Variants in BRD8 observed in about 807,000 individuals in gnomAD.
BRD8 encodes bromodomain containing 8.
In BRD8, 67 loss-of-function variants were observed where a neutral mutation model predicts 143.1. The ratio of observed to expected loss-of-function variants is 0.47; its 90% CI spans 0.38 to 0.57. The LOEUF is 0.57. Among genes scored for constraint, BRD8 ranks in the 20% least tolerant of loss-of-function variants. The pLI is 0.00. For synonymous variants in BRD8, 505 were observed against 517.1 expected (o/e 0.98, Z 0.32); for missense variants, 1,103 against 1,503.0 (o/e 0.73, Z 4.40).
chr5:138,153,327 G>GT (rs5871666), intron 20 of BRD8, among the ~76,000 whole-genome samples: 3,098 of 152,060 alleles, frequency 0.02, 95 homozygotes, highest in African/African-American at 0.069. Context: ...CACTATCTTG[G>GT]TTTTTTTATA....
At position 138,145,260 on chromosome 5, in the gene BRD8, AC is replaced by A. The variant is rs1752101766; in HGVS notation, c.3369-16del. On this transcript the variant is annotated splice_polypyrimidine_tract_variant and intron_variant, in intron 24 of 26. Transcript: ENST00000254900. ...GACTGCTGAACCTGTTAAGGGACAA[AC>A]CCAGAGAGGATAAAGAAACCCTGGC... 5 of 1,611,000 alleles carry A rather than the reference AC, an allele frequency of 3.1e-6. No homozygotes were observed. In the East Asian group the frequency reaches 1.1e-4, roughly 36 times the overall value.
chr5:138,162,162 A>T lies in BRD8; in HGVS notation c.2088-16T>A. The T allele has an allele frequency of 6.4e-7, 1 of 1,565,908 alleles. No homozygotes were observed. The highest frequency in any genetic ancestry group is 8.7e-7 in the Non-Finnish European group (1 of 1,152,198). On this transcript the variant is annotated splice_polypyrimidine_tract_variant and intron_variant, in intron 15 of 26. Transcript: ENST00000254900. ...ACAGACAGAGCTGAAACAGAGATAC[A>T]GCAATTCCACTAGGCACAAGTTAAA...
intron 12 of BRD8, 34 bp from the exon 13 acceptor site, chr5:138,164,447 C>A: frequency 3.8e-6 from 6 of 1,580,202 alleles, no homozygotes; most frequent in Non-Finnish European, 5.2e-6. Context: ...ACCCTAAGTA[C>A]TGATAAATCG....
In BRD8 at chr5:138,164,743, C is replaced by T. The variant is rs1753262397; in HGVS notation, c.1702G>A (p.Glu568Lys). 6.2e-7 allele frequency: 1 copy of T among 1,614,214 alleles called. No individual in the cohort carries two copies. Among genetic ancestry groups the T allele is most frequent in the Non-Finnish European group, 8.5e-7 (1 of 1,180,040 alleles). Residue 568 changes from glutamate (E) to lysine (K), a missense_variant, in exon 12 of 27, where the codon GAG becomes AAG. By Grantham distance (56) the Glu-to-Lys change is moderately conservative. This residue lies in a region of BRD8 where 139 missense variants were observed against 139.0 expected (regional missense o/e 1.00). Transcript: ENST00000254900. Reference protein sequence around the residue: ...EADVAIGKGDETPLTNVKTEA... With the variant: ...EADVAIGKGDKTPLTNVKTEA... ...GTCTTCACATTTGTAAGTGGAGTCT[C>T]ATCGCCTTTCCCAATGGCAACATCT...
At chr5:138,168,531 G>T (rs531449151) in intron 8 of BRD8, 5 of 1,609,344 alleles carry the variant, frequency 3.1e-6, no homozygotes, top group African/African-American at 1.3e-5. Context: ...CAGAGGGGAG[G>T]GGGGTGGAGT....
chr5:138,161,178 T>C, intron 17 of BRD8, 110 bp from the exon 18 acceptor site: 2 of 829,354 alleles, frequency 2.4e-6, no homozygotes, highest in Non-Finnish European at 3.5e-6. Flanking sequence ...AACTCCCAGC[T>C]GCCAGGACTT....
Position 138,157,396 on chromosome 5 carries a change from T to G in BRD8, c.2577+2159A>C, listed in dbSNP as rs551932924. On this transcript the variant is annotated intron_variant, in intron 20 of 26. Coordinates refer to ENST00000254900, the MANE Select transcript of BRD8 (RefSeq NM_139199.2). ...GAATCAGCAGAAAAATCCAGAGGGA[T>G]GAGGGGCATATTTCTGTCTTCCCAC... 112 of 1,189,434 alleles carry G rather than the reference T, an allele frequency of 9.4e-5. No individual in the cohort carries two copies. In the South Asian group the frequency reaches 1.4e-3, roughly 15 times the overall value. 73.7% of individuals were successfully genotyped at this position (1,189,434 alleles called of 1,614,324 possible).
chr5:138,162,257 T>G, intron 15 of BRD8, 111 bp from the exon 16 acceptor site: 1 of 802,616 alleles, frequency 1.2e-6, no homozygotes, highest in Non-Finnish European at 1.9e-6. Flanking sequence ...TGGAGTGCAG[T>G]GGCATGATCA....
At chr5:138,167,344 C>T (rs1183040647) in intron 9 of BRD8, among the ~76,000 whole-genome samples, 1 of 152,074 alleles carries the variant, frequency 6.6e-6, no homozygotes, top group Non-Finnish European at 1.5e-5. Flanking sequence ...AAACGAAAAA[C>T]TGGTATGAAT....
intron 8 of BRD8, chr5:138,168,501 T>A: frequency 6.2e-7 from 1 of 1,604,542 alleles, no homozygotes; most frequent in Non-Finnish European, 8.5e-7. Flanking sequence ...GAGGCTGCCC[T>A]TCTTCAAGAG....
In BRD8 at chr5:138,164,324, C is replaced by T. The variant is rs757000393; in HGVS notation, c.1821G>A (p.Met607Ile). The change falls in exon 13 of 27, where the codon ATG (methionine) becomes ATA (isoleucine). Residue 607 changes from methionine (M) to isoleucine (I), a missense_variant. Met to Ile is a conservative substitution (Grantham distance 10, BLOSUM62 1). Coordinates refer to ENST00000254900, the MANE Select transcript of BRD8 (RefSeq NM_139199.2). ...LEAETQHKFE[M>I]SDSLKEESGT... ...GTGAAAGAGGACTTTATTTACCTGA[C>T]ATTTCAAACTTGTGCTGAGTCTCTG... The T allele has an allele frequency of 1.9e-6, 3 of 1,613,786 alleles. No individual in the cohort carries two copies. Among genetic ancestry groups the T allele is most frequent in the Non-Finnish European group, 2.5e-6 (3 of 1,179,716 alleles).
At chr5:138,171,219 C>T (rs1397389311) in intron 4 of BRD8, 59 bp from the exon 5 acceptor site, 11 of 1,527,378 alleles carry the variant, frequency 7.2e-6, no homozygotes, top group Non-Finnish European at 9.9e-6. Context: ...TATCCCCTCT[C>T]CTACTTGCTT....
Position 138,151,009 on chromosome 5 carries a change from C to A in BRD8, c.2857-1G>T. 1 of 1,608,916 alleles carries A rather than the reference C, an allele frequency of 6.2e-7. No homozygotes were observed. Among genetic ancestry groups the A allele is most frequent in the South Asian group, 1.1e-5 (1 of 90,444 alleles). The stretch of plus-strand genomic sequence containing the variant: ...ACAAGGGCTCCATTAAATAAGCTAC[C>A]TGCAATCAAAGTTTATTATTAGATG... On this transcript the variant is annotated splice_acceptor_variant, in intron 21 of 26. Coordinates refer to ENST00000254900, the MANE Select transcript of BRD8 (RefSeq NM_139199.2). LOFTEE classifies it high-confidence loss of function.
chr5:138,140,231 AT>A, intron 26 of BRD8, 65 bp from the exon 27 acceptor site: 4 of 1,261,372 alleles, frequency 3.2e-6, no homozygotes, highest in South Asian at 1.3e-5. Context: ...TTGCAAGTTT[AT>A]TTTTTTGGCA....
At chr5:138,145,116 A>C in intron 25 of BRD8, 61 bp downstream of exon 25, 1 of 1,480,272 alleles carries the variant, frequency 6.8e-7, no homozygotes, top group Non-Finnish European at 9.3e-7. Flanking sequence ...CAGATGGGAA[A>C]TAAAAAATGA....
chr5:138,164,812 C>G lies in BRD8; in HGVS notation c.1633G>C (p.Asp545His), dbSNP rs1020692149. Residue 545 changes from aspartate (D) to histidine (H), a missense_variant, in exon 12 of 27, where the codon GAT (aspartate) becomes CAT (histidine). By Grantham distance (81) the Asp-to-His change is moderately conservative. Around this residue, in one of 7 missense-constraint regions of BRD8, gnomAD observed 139 missense variants for 139.0 expected, o/e 1.00. Coordinates refer to ENST00000254900, the MANE Select transcript of BRD8 (RefSeq NM_139199.2). ...EPPELRSQDL[D>H]EELGSTAAGE... ...GCTGCAGTACTTCCCAGTTCCTCAT[C>G]TAAGTCCTGACTCCTGAGTTCTGGT... 1 of 1,614,124 alleles carries G rather than the reference C, an allele frequency of 6.2e-7. No homozygotes were observed. The highest frequency in any genetic ancestry group is 1.3e-5 in the African/African-American group (1 of 74,950).
Position 138,145,858 on chromosome 5 carries a change from T to A in BRD8, c.3299A>T (p.Asp1100Val), listed in dbSNP as rs180674606. Residue 1100 changes from aspartate (D) to valine (V), a missense_variant, in exon 24 of 27, where the codon GAC (aspartate) becomes GTC (valine). Transcript: ENST00000254900. ...SSKLTDLSQDDPVQDHLLFKK... is the reference protein window; with the variant it reads ...SSKLTDLSQDVPVQDHLLFKK... ...AAATAGCAAATGATCCTGAACAGGG[T>A]CATCCTGGCTTAGATCAGTCCTATG... 7.4e-6 allele frequency: 12 copies of A among 1,613,914 alleles called. No individual in the cohort carries two copies. Among genetic ancestry groups the A allele is most frequent in the East Asian group, 2.2e-5 (1 of 44,840 alleles).
intron 2 of BRD8, among the ~76,000 whole-genome samples, chr5:138,174,942 T>G (rs1280687087): frequency 1.3e-5 from 2 of 149,352 alleles, no homozygotes; most frequent in African/African-American, 5.0e-5. Context: ...CAGGCTGGAG[T>G]GCAGTGGCAC....
chr5:138,172,157 T>C (rs1260308827), intron 2 of BRD8, 23 bp from the exon 3 acceptor site: 12 of 1,592,420 alleles, frequency 7.5e-6, no homozygotes, highest in Non-Finnish European at 1.0e-5. Flanking sequence ...GAAAGCTTTA[T>C]TACACACCAA....
Sources: allele counts gnomAD v4.1 joint callset (sites outside exome capture counted in the v4.1 genomes callset), GRCh38; gene constraint gnomAD v4.1.1; regional missense constraint gnomAD v4.1.1; transcripts MANE v1.5; gene names NCBI Gene and HGNC (gene_info 2026-07-23, HGNC 2026-07-21).